Variants in TMEM117 observed in about 807,000 individuals in gnomAD.
TMEM117 encodes the protein transmembrane protein 117.
In TMEM117, 27 loss-of-function variants were observed where a neutral mutation model predicts 52.4. The observed-to-expected ratio is 0.51, with a 90% CI of 0.38 to 0.71. The LOEUF (loss-of-function observed/expected upper bound fraction) is 0.71. Ranked by LOEUF, TMEM117 falls within the 30% of genes least tolerant of loss-of-function variation. The pLI, the probability that TMEM117 is intolerant of heterozygous loss-of-function variation, is 0.00. For missense variants in TMEM117, 556 were observed against 630.5 expected (o/e 0.88, Z 1.26); for synonymous variants, 215 against 206.3 (o/e 1.04, Z -0.36).
rs531563861 is a variant in TMEM117, at chr12:43,844,990, A to G, written c.277+62A>G. On this transcript the variant is annotated intron_variant, in intron 2 of 7. Coordinates refer to ENST00000266534, the MANE Select transcript of TMEM117 (RefSeq NM_032256.3). ...TTATTTAATTTCTATTCTCCAAGAT[A>G]CAACTTTGCTATTTCTAAGTGCCAA... 796 of 1,538,704 alleles carry G rather than the reference A, an allele frequency of 5.2e-4. 11 individuals are homozygous for G. In the South Asian group the frequency reaches 6.4e-3, roughly 12 times the overall value.
intron 6 of TMEM117, among the ~76,000 whole-genome samples, chr12:44,329,071 A>G (rs1174236318): frequency 6.6e-6 from 1 of 151,996 alleles, no homozygotes; most frequent in Non-Finnish European, 1.5e-5. Flanking sequence ...AACACCTTCC[A>G]TCTTATTGCA....
intron 6 of TMEM117, among the ~76,000 whole-genome samples, chr12:44,312,704 G>A (rs989515087): frequency 1.3e-5 from 2 of 152,082 alleles, no homozygotes; most frequent in Non-Finnish European, 2.9e-5. Flanking sequence ...TTTCCAAAGG[G>A]GCTGAACTAA....
Position 44,317,114 on chromosome 12 carries a change from G to A in TMEM117, c.768+17375G>A, listed in dbSNP as rs1448299380. Among the ~76,000 whole-genome samples the A allele has an allele frequency of 3.4e-5, 5 of 149,114 alleles. No homozygotes were observed. The East Asian group carries it at 5.9e-4, about 18-fold the overall frequency. On this transcript the variant is annotated intron_variant, in intron 6 of 7. Coordinates refer to ENST00000266534, the MANE Select transcript of TMEM117 (RefSeq NM_032256.3). Reference sequence around the variant, plus strand: ...TTTCTGAGTGTCTGTTTTAGTCAGGGACCATTGCTGGAGATCTAGTGTGAT... The same window carrying A: ...TTTCTGAGTGTCTGTTTTAGTCAGGAACCATTGCTGGAGATCTAGTGTGAT...
chr12:43,990,977 G>A (rs541249020), intron 3 of TMEM117, among the ~76,000 whole-genome samples: 5 of 152,270 alleles, frequency 3.3e-5, no homozygotes, highest in Admixed American at 2.6e-4. Context: ...AAATATCACT[G>A]TGTCTCTACT....
intron 3 of TMEM117, among the ~76,000 whole-genome samples, chr12:43,966,820 T>C (rs1406640736): frequency 6.6e-6 from 1 of 152,234 alleles, no homozygotes; most frequent in African/African-American, 2.4e-5. Flanking sequence ...AATTAAGGAC[T>C]AACTCACTAA....
chr12:44,006,106 T>C (rs944568412), intron 3 of TMEM117, among the ~76,000 whole-genome samples: 1 of 152,208 alleles, frequency 6.6e-6, no homozygotes, highest in Non-Finnish European at 1.5e-5. Context: ...CTTTAGGCCC[T>C]GCAGCAGTAT....
Position 44,388,863 on chromosome 12 carries a change from G to A in TMEM117, c.*191G>A. The A allele has an allele frequency of 3.1e-6, 2 of 642,554 alleles. No homozygotes were observed. The highest frequency in any genetic ancestry group is 2.0e-5 in the South Asian group (1 of 49,126). The allele number at this position is 642,554 out of a possible 1,614,324, so 39.8% of individuals were successfully genotyped here. On this transcript the variant is annotated 3_prime_UTR_variant, in exon 8 of 8. Coordinates refer to ENST00000266534, the MANE Select transcript of TMEM117 (RefSeq NM_032256.3). Reference sequence around the variant, plus strand: ...TTGTATTATAATACACGTGCCTACTGTATACTCAACAGTCCTCTAGAGATT... The same window carrying A: ...TTGTATTATAATACACGTGCCTACTATATACTCAACAGTCCTCTAGAGATT...
rs532750860 is a variant in TMEM117 at position 43,989,711 on chromosome 12, T to C, written c.410+45369T>C. Reference sequence around the variant, plus strand: ...AGAATGTCATAGCTCTTGTTAGGAATCCTAGATCCATAAAATCTGTTCCTC... The same window carrying C: ...AGAATGTCATAGCTCTTGTTAGGAACCCTAGATCCATAAAATCTGTTCCTC... On this transcript the variant is annotated intron_variant, in intron 3 of 7. Coordinates refer to ENST00000266534, the MANE Select transcript of TMEM117 (RefSeq NM_032256.3). 3.6e-4 allele frequency among the ~76,000 whole-genome samples: 55 copies of C among 152,240 alleles called. 1 individual carries two copies. The highest frequency in any genetic ancestry group is 3.5e-3 in the Admixed American group (53 of 15,290).
chr12:44,335,180 G>A (rs1951324606), intron 6 of TMEM117, among the ~76,000 whole-genome samples: 1 of 152,036 alleles, frequency 6.6e-6, no homozygotes, highest in South Asian at 2.1e-4. Flanking sequence ...ACTAACACTG[G>A]ATATGTGGCC....
At chr12:44,144,499 C>T (rs1487022241) in intron 4 of TMEM117, among the ~76,000 whole-genome samples, 3 of 152,174 alleles carry the variant, frequency 2.0e-5, no homozygotes, top group African/African-American at 7.2e-5. Flanking sequence ...ATGGACATGT[C>T]CCTGCAGATA....
chr12:44,001,211 A>T (rs1336081928), intron 3 of TMEM117, among the ~76,000 whole-genome samples: 1 of 152,192 alleles, frequency 6.6e-6, no homozygotes, highest in Non-Finnish European at 1.5e-5. Context: ...TAAGGTACAT[A>T]TTAAGTTCAC....
chr12:43,865,902 T>C (rs891110177), intron 2 of TMEM117, among the ~76,000 whole-genome samples: 1 of 151,724 alleles, frequency 6.6e-6, no homozygotes, highest in Non-Finnish European at 1.5e-5. Flanking sequence ...AGGAAGATAA[T>C]AAAACAATGT....
At chr12:43,817,138 A>G in the TMEM117 span, among the ~76,000 whole-genome samples, 2 of 152,214 alleles carry the variant, frequency 1.3e-5, no homozygotes, top group African/African-American at 4.8e-5. Context: ...AATTGAGTAA[A>G]AATTCATAGA....
rs577352406 is a variant in TMEM117, at chr12:44,100,669, C to A, written c.411-42856C>A. On this transcript the variant is annotated intron_variant, in intron 3 of 7. Transcript: ENST00000266534. ...AATTTTCCTCAAGTTATTGCTTTAT[C>A]TTGTTTCTCATCATCACCATAAAAT... Among the ~76,000 whole-genome samples the A allele has an allele frequency of 2.2e-4, 34 of 152,140 alleles. 1 individual carries two copies. The highest frequency in any genetic ancestry group is 8.2e-4 in the African/African-American group (34 of 41,532).
At chr12:43,911,803 T>C (rs2137533787) in intron 2 of TMEM117, among the ~76,000 whole-genome samples, 1 of 120,110 alleles carries the variant, frequency 8.3e-6, no homozygotes, top group South Asian at 3.5e-4. Context: ...TGAGATACCA[T>C]TTCACACCAG....
intron 6 of TMEM117, among the ~76,000 whole-genome samples, chr12:44,369,625 T>C (rs1951835555): frequency 6.6e-6 from 1 of 152,204 alleles, no homozygotes; most frequent in South Asian, 2.1e-4. Context: ...TTTTGAGAGT[T>C]CATTGCTGTA....
intron 2 of TMEM117, among the ~76,000 whole-genome samples, chr12:43,929,747 A>G (rs896517269): frequency 8.5e-5 from 13 of 152,304 alleles, no homozygotes; most frequent in Non-Finnish European, 8.8e-5. Context: ...TTATGTGCAT[A>G]TTTAACAGCT....
intron 4 of TMEM117, among the ~76,000 whole-genome samples, chr12:44,174,022 T>C (rs1949084629): frequency 6.6e-6 from 1 of 152,220 alleles, no homozygotes; most frequent in Non-Finnish European, 1.5e-5. Context: ...TAGTAATTGC[T>C]TTTAACTTTT....
chr12:44,018,203 A>C (rs1946402247), intron 3 of TMEM117, among the ~76,000 whole-genome samples: 1 of 152,218 alleles, frequency 6.6e-6, no homozygotes, highest in African/African-American at 2.4e-5. Context: ...AACTCTAGTT[A>C]GTCAACTAGA....
Sources: allele counts gnomAD v4.1 joint callset (sites outside exome capture counted in the v4.1 genomes callset), GRCh38; gene constraint gnomAD v4.1.1; transcripts MANE v1.5; gene names NCBI Gene and HGNC (gene_info 2026-07-23, HGNC 2026-07-21).